Variants in DIAPH3 observed in about 807,000 individuals in gnomAD.
DIAPH3 encodes the protein protein diaphanous homolog 3.
A neutral mutation model predicts 144.3 loss-of-function variants in DIAPH3; 117 were observed. The ratio of observed to expected loss-of-function variants is 0.81; its 90% CI spans 0.70 to 0.95. The LOEUF is 0.95. Among genes scored for constraint, DIAPH3 ranks in the 40% least tolerant of loss-of-function variants. DIAPH3 has a pLI of 0.00. For missense variants in DIAPH3, 1,421 were observed against 1,412.7 expected (o/e 1.01, Z -0.09); for synonymous variants, 519 against 488.9 (o/e 1.06, Z -0.81).
At chr13:60,077,349 C>A (rs909867028) in intron 4 of DIAPH3, among the ~76,000 whole-genome samples, 8 of 152,134 alleles carry the variant, frequency 5.3e-5, no homozygotes, top group East Asian at 1.9e-4. Flanking sequence ...AGGAGAGATA[C>A]ATTTTGCCAA....
rs1421843727 is a variant in DIAPH3, at chr13:60,163,786, G to C, written c.-20C>G. 1 of 1,553,238 alleles carries C rather than the reference G, an allele frequency of 6.4e-7. No homozygotes were observed. Among genetic ancestry groups the C allele is most frequent in the South Asian group, 1.2e-5 (1 of 85,582 alleles). ...TTCCATCTTTCCCCGCAGCTCCGGG[G>C]ACCGGAAAGAAGGTGGCCACTCAGC... On this transcript the variant is annotated 5_prime_UTR_variant, in exon 1 of 28. Transcript: ENST00000400324.
At chr13:59,882,885 T>C (rs2045169896) in intron 20 of DIAPH3, among the ~76,000 whole-genome samples, 1 of 152,146 alleles carries the variant, frequency 6.6e-6, no homozygotes, top group Non-Finnish European at 1.5e-5. Context: ...ACTCCTGTTT[T>C]TCCTGAAGGC....
At chr13:59,943,621 A>G (rs1038310260) in intron 17 of DIAPH3, among the ~76,000 whole-genome samples, 2 of 152,190 alleles carry the variant, frequency 1.3e-5, no homozygotes, top group African/African-American at 4.8e-5. Context: ...GCTTGCTCAT[A>G]AAGAATCTCG....
At chr13:59,812,118 T>G (rs1004521854) in intron 24 of DIAPH3, among the ~76,000 whole-genome samples, 5 of 152,216 alleles carry the variant, frequency 3.3e-5, no homozygotes. Flanking sequence ...ACTGTGGTAT[T>G]CTTTATTTTA....
intron 1 of DIAPH3, among the ~76,000 whole-genome samples, chr13:60,148,595 C>CTT (rs1951641251): frequency 6.6e-6 from 1 of 152,084 alleles, no homozygotes; most frequent in African/African-American, 2.4e-5. Context: ...AAAGAGATTA[C>CTT]TTGGAAAGAC....
chr13:60,019,875 T>G (rs1310395704), intron 5 of DIAPH3, among the ~76,000 whole-genome samples: 1 of 152,212 alleles, frequency 6.6e-6, no homozygotes. Flanking sequence ...CAAAGCGCTC[T>G]CAAGTATTTT....
chr13:60,106,579 A>G (rs2058427628), intron 3 of DIAPH3, among the ~76,000 whole-genome samples: 1 of 152,202 alleles, frequency 6.6e-6, no homozygotes, highest in Non-Finnish European at 1.5e-5. Flanking sequence ...ACAAAAGTAA[A>G]AAGACAAGAC....
At chr13:60,092,028 A>G (rs565166478) in intron 4 of DIAPH3, among the ~76,000 whole-genome samples, 1 of 151,966 alleles carries the variant, frequency 6.6e-6, no homozygotes, top group African/African-American at 2.4e-5. Flanking sequence ...TCTGGTTGAG[A>G]CAAAGTCTCA....
chr13:59,791,264 C>T (rs1052671480), intron 25 of DIAPH3, among the ~76,000 whole-genome samples: 16 of 152,140 alleles, frequency 1.1e-4, no homozygotes, highest in Admixed American at 4.6e-4. Context: ...GCCATCATTC[C>T]TGGTCAAGAA....
intron 24 of DIAPH3, among the ~76,000 whole-genome samples, chr13:59,812,262 ATCCATCCATC>A: frequency 7.3e-6 from 1 of 137,442 alleles, no homozygotes; most frequent in South Asian, 2.6e-4. Context: ...CCATCCATCC[ATCCATCCATC>A]CATCCATCCA....
At chr13:59,771,861 GGCATT>G (rs2038140621) in intron 27 of DIAPH3, among the ~76,000 whole-genome samples, 2 of 151,828 alleles carry the variant, frequency 1.3e-5, no homozygotes, top group Admixed American at 6.6e-5. Context: ...CATAGTGCTT[GGCATT>G]TAGTAAGCCA....
intron 27 of DIAPH3, among the ~76,000 whole-genome samples, chr13:59,770,958 A>T (rs757332166): frequency 7.9e-5 from 12 of 152,148 alleles, no homozygotes; most frequent in Non-Finnish European, 1.8e-4. Flanking sequence ...AACAGGTACA[A>T]CTTGTAACCA....
chr13:59,881,694 GA>G (rs1303964532), intron 20 of DIAPH3, among the ~76,000 whole-genome samples: 1 of 152,016 alleles, frequency 6.6e-6, no homozygotes, highest in Non-Finnish European at 1.5e-5. Flanking sequence ...CAGGTACCTT[GA>G]AAAGATAGAG....
intron 11 of DIAPH3, 77 bp downstream of exon 11, chr13:59,991,991 A>C: frequency 1.8e-6 from 2 of 1,129,792 alleles, no homozygotes; most frequent in Non-Finnish European, 2.7e-6. Flanking sequence ...AAATGAGCTA[A>C]ATATTTGTGG....
chr13:60,000,788 T>G (rs1260165144), intron 9 of DIAPH3, among the ~76,000 whole-genome samples: 1 of 152,168 alleles, frequency 6.6e-6, no homozygotes, highest in East Asian at 1.9e-4. Flanking sequence ...ACTCAGAAAC[T>G]TTGGAAATCA....
chr13:60,001,617 C>T (rs571073328), intron 9 of DIAPH3, among the ~76,000 whole-genome samples: 17 of 152,330 alleles, frequency 1.1e-4, no homozygotes, highest in African/African-American at 3.8e-4. Flanking sequence ...CAACACTTTC[C>T]TTCCAGGAGC....
At position 60,032,825 on chromosome 13, in the gene DIAPH3, C is replaced by T. The variant is rs552178565; in HGVS notation, c.626+9865G>A. On this transcript the variant is annotated intron_variant, in intron 5 of 27. Transcript: ENST00000400324. Reference sequence around the variant, plus strand: ...CTCCACAGCCTTCTTGAGTTCCTCTCTGAAAAAACCTTTTTCTTTGCCACA... The same window carrying T: ...CTCCACAGCCTTCTTGAGTTCCTCTTTGAAAAAACCTTTTTCTTTGCCACA... Among the ~76,000 whole-genome samples, 4 of 152,354 alleles carry T rather than the reference C, an allele frequency of 2.6e-5. No individual in the cohort carries two copies. In the East Asian group the frequency reaches 7.7e-4, roughly 29 times the overall value.
intron 22 of DIAPH3, among the ~76,000 whole-genome samples, chr13:59,843,888 G>A (rs541607090): frequency 4.6e-5 from 7 of 151,930 alleles, no homozygotes; most frequent in South Asian, 4.2e-4. Flanking sequence ...TTTATAAGTC[G>A]GATCTGAATA....
intron 17 of DIAPH3, among the ~76,000 whole-genome samples, chr13:59,969,658 A>C (rs2140560569): frequency 6.6e-6 from 1 of 152,318 alleles, no homozygotes; most frequent in African/African-American, 2.4e-5. Context: ...CTGTCACAGA[A>C]AATATCCTCT....
Sources: gnomAD v4.1 joint callset for allele counts (sites outside exome capture counted in the v4.1 genomes callset) on GRCh38, gnomAD v4.1.1 for gene constraint, MANE v1.5 for transcripts, NCBI Gene and HGNC (gene_info 2026-07-23, HGNC 2026-07-21) for gene names.